AGO2: variants seen among roughly 807,000 people sequenced by gnomAD.
AGO2 encodes the protein argonaute RISC catalytic component 2.
In AGO2, 5 loss-of-function variants were observed where a neutral mutation model predicts 102.3. That is an observed-to-expected ratio of 0.05 (90% CI 0.03 to 0.10). The LOEUF (loss-of-function observed/expected upper bound fraction) is 0.10. AGO2 is among the 10% of genes least tolerant of loss of function. The pLI, the probability that AGO2 is intolerant of heterozygous loss-of-function variation, is 1.00. For missense variants in AGO2, 541 were observed against 1,183.7 expected, an observed-to-expected ratio of 0.46 and a Z score of 7.97; for synonymous variants, 449 against 473.1, an observed-to-expected ratio of 0.95 and a Z score of 0.66.
At chr8:140,580,955 C>T (rs1031320863) in intron 2 of AGO2, among the ~76,000 whole-genome samples, 1 of 152,274 alleles carries the variant, frequency 6.6e-6, no homozygotes, top group African/African-American at 2.4e-5. Flanking sequence ...TGTAGTAGCA[C>T]AGTCCTGGAA....
chr8:140,618,952 G>GT (rs1203023645), intron 1 of AGO2, among the ~76,000 whole-genome samples: 1 of 150,710 alleles, frequency 6.6e-6, no homozygotes, highest in Admixed American at 6.6e-5. Context: ...GGAAAGAACA[G>GT]TTTTTTTAAA....
rs1051260787 is a variant in AGO2 at position 140,522,863 on chromosome 8, A to C, written c.*9181T>G. The C allele has an allele frequency of 6.6e-6, 1 of 152,212 alleles. No homozygotes were observed. Among genetic ancestry groups the C allele is most frequent in the African/African-American group, 2.4e-5 (1 of 41,452 alleles). 9.4% of individuals were successfully genotyped at this position (152,212 alleles called of 1,614,324 possible). A position where few individuals can be genotyped will look rare whatever the true frequency, so the allele number is the denominator to read the frequency against. The stretch of plus-strand genomic sequence containing the variant: ...CTGCCTAATATTTTTGCATACTCTG[A>C]AACTCACAAATTTAACATCTGATTA... On this transcript the variant is annotated 3_prime_UTR_variant, in exon 19 of 19. Transcript: ENST00000220592.
chr8:140,573,315 G>T (rs2073414704), intron 2 of AGO2, among the ~76,000 whole-genome samples: 1 of 151,378 alleles, frequency 6.6e-6, no homozygotes, highest in Admixed American at 6.6e-5. Flanking sequence ...GATTACAGGT[G>T]CCCGCCACCA....
chr8:140,583,592 G>A (rs1449685509), intron 2 of AGO2, among the ~76,000 whole-genome samples: 2 of 152,188 alleles, frequency 1.3e-5, no homozygotes, highest in African/African-American at 4.8e-5. Flanking sequence ...CATATACCTA[G>A]GTCGGGCCCA....
At position 140,523,436 on chromosome 8, in the gene AGO2, G is replaced by A. The variant is rs2072448171; in HGVS notation, c.*8608C>T. 6.6e-6 allele frequency: 1 copy of A among 151,900 alleles called. No homozygotes were observed. Among genetic ancestry groups the A allele is most frequent in the African/African-American group, 2.4e-5 (1 of 41,336 alleles). 9.4% of individuals were successfully genotyped at this position (151,900 alleles called of 1,614,324 possible). ...AACTAGAAAAATTGATAAAACTAAG[G>A]GTTAAAAGCCCTCAATATGTATTAG... On this transcript the variant is annotated 3_prime_UTR_variant, in exon 19 of 19. Coordinates refer to ENST00000220592, the MANE Select transcript of AGO2 (RefSeq NM_012154.5).
At position 140,529,824 on chromosome 8, in the gene AGO2, C is replaced by G. The variant is rs2977454; in HGVS notation, c.*2220G>C. 17,049 of 152,252 alleles carry G rather than the reference C, an allele frequency of 0.11. 1,363 individuals carry two copies. The highest frequency in any genetic ancestry group is 0.28 in the East Asian group (1,470 of 5,166). The allele number at this position is 152,252 out of a possible 1,614,324, so 9.4% of individuals were successfully genotyped here. ...CTGCATGTTAAACAAGAACCGCCAT[C>G]CCCCAGACAGCCTGACGCAGGTGGA... On this transcript the variant is annotated 3_prime_UTR_variant, in exon 19 of 19. Coordinates refer to ENST00000220592, the MANE Select transcript of AGO2 (RefSeq NM_012154.5).
intron 1 of AGO2, among the ~76,000 whole-genome samples, chr8:140,616,884 C>T (rs192733080): frequency 9.2e-4 from 140 of 152,352 alleles, no homozygotes; most frequent in African/African-American, 3.2e-3. Context: ...GAAAGAGACA[C>T]ACATCAGCAC....
intron 2 of AGO2, among the ~76,000 whole-genome samples, chr8:140,578,778 C>T (rs530075498): frequency 3.9e-5 from 6 of 152,232 alleles, no homozygotes; most frequent in South Asian, 2.1e-4. Context: ...CCTCTTCAGT[C>T]GCCACCCAGG....
chr8:140,544,279 G>A lies in AGO2; in HGVS notation c.1773C>T (p.Val591=), dbSNP rs1224920869. ...QGRPPVFQQP[V]IFLGADVTHP... is the part of the protein sequence containing the mutation. ...GAGTGACGTCTGCTCCCAGAAAGAT[G>A]ACGGGCTGCTGGAACACCGGCGGCC... is the stretch of plus-strand genomic sequence containing the variant. Residue 591 remains valine, a synonymous_variant, in exon 14 of 19, where the codon GTC becomes GTT. Transcript: ENST00000220592. 2 of 1,603,410 alleles carry A rather than the reference G, an allele frequency of 1.2e-6. No homozygotes were observed. The highest frequency in any genetic ancestry group is 1.7e-6 in the Non-Finnish European group (2 of 1,175,804).
chr8:140,544,080 G>A (rs184603579), intron 14 of AGO2, 133 bp downstream of exon 14: 18 of 952,174 alleles, frequency 1.9e-5, no homozygotes, highest in Admixed American at 2.9e-5. Flanking sequence ...ACAAGACCCC[G>A]GCCGTCCCTA....
chr8:140,540,587 C>T lies in AGO2; in HGVS notation c.2034+577G>A, dbSNP rs1223738678. ...GTGTGCTCTCAACCAAAGACAGCAACGAAACTCCCCTCACCCCTCTGTGAT... is the reference window on the plus strand; with the variant it reads ...GTGTGCTCTCAACCAAAGACAGCAATGAAACTCCCCTCACCCCTCTGTGAT... On this transcript the variant is annotated intron_variant, in intron 15 of 18. Coordinates refer to ENST00000220592, the MANE Select transcript of AGO2 (RefSeq NM_012154.5). This position sits in a 1 kb window ranked among gnomAD's most constrained non-coding sequence, Gnocchi z 5.0. 2.0e-5 allele frequency among the ~76,000 whole-genome samples: 3 copies of T among 152,174 alleles called. No individual in the cohort carries two copies. Among genetic ancestry groups the T allele is most frequent in the Non-Finnish European group, 2.9e-5 (2 of 68,018 alleles).
At chr8:140,614,345 C>G (rs2074116394) in intron 1 of AGO2, among the ~76,000 whole-genome samples, 1 of 152,086 alleles carries the variant, frequency 6.6e-6, no homozygotes, top group African/African-American at 2.4e-5. Context: ...AAAGCAAAGG[C>G]AGGACTCAAG....
rs563935620 is a variant in AGO2 at position 140,585,254 on chromosome 8, G to A, written c.80C>T (p.Pro27Leu). ...CCCGGAGGTCCCAAAGTCGGGTCTA[G>A]GTGGAGGCTTGAAGGCATATCCTTG... is the stretch of plus-strand genomic sequence containing the variant. ...PIQGYAFKPPPRPDFGTSGRT... is the reference protein window; with the variant it reads ...PIQGYAFKPPLRPDFGTSGRT... Residue 27 changes from proline (P) to leucine (L), a missense_variant, in exon 2 of 19, where the codon CCT becomes CTT. Around this residue, in one of 6 missense-constraint regions of AGO2, gnomAD observed 147 missense variants for 204.1 expected, o/e 0.72. Transcript: ENST00000220592. 3.1e-6 allele frequency: 5 copies of A among 1,614,094 alleles called. No homozygotes were observed. Among genetic ancestry groups the A allele is most frequent in the Non-Finnish European group, 4.2e-6 (5 of 1,180,046 alleles).
At chr8:140,627,683 C>T (rs539802969) in intron 1 of AGO2, among the ~76,000 whole-genome samples, 114 of 152,244 alleles carry the variant, frequency 7.5e-4, no homozygotes, top group African/African-American at 2.2e-3. Flanking sequence ...AGGTATTGGC[C>T]GATTTGCATT....
At chr8:140,617,653 C>T (rs560915368) in intron 1 of AGO2, among the ~76,000 whole-genome samples, 44 of 152,338 alleles carry the variant, frequency 2.9e-4, no homozygotes, top group Non-Finnish European at 5.4e-4. Flanking sequence ...GCACAGCCAC[C>T]CGTGGGCGTG....
chr8:140,555,659 G>A (rs2073081567), intron 10 of AGO2: 1 of 555,360 alleles, frequency 1.8e-6, no homozygotes, highest in Non-Finnish European at 3.0e-6. Context: ...AACTTTCATG[G>A]GATAATAAAA....
intron 12 of AGO2, among the ~76,000 whole-genome samples, chr8:140,548,845 C>T (rs561635904): frequency 4.1e-4 from 62 of 152,328 alleles, no homozygotes; most frequent in African/African-American, 1.4e-3. Flanking sequence ...GTATGATGGG[C>T]GGGGTGCCCA....
At position 140,522,526 on chromosome 8, in the gene AGO2, G is replaced by T. The variant is rs1362543567; in HGVS notation, c.*9518C>A. 1.5e-5 allele frequency: 2 copies of T among 137,402 alleles called. No homozygotes were observed. Among genetic ancestry groups the T allele is most frequent in the Non-Finnish European group, 3.1e-5 (2 of 65,376 alleles). 8.5% of individuals were successfully genotyped at this position (137,402 alleles called of 1,614,324 possible). A position where few individuals can be genotyped will look rare whatever the true frequency, so the allele number is the denominator to read the frequency against. ...TCAGCCACACAGAAATCTCAGACTG[G>T]AGGGGAAAAAAAAAAAGAAACATGA... On this transcript the variant is annotated 3_prime_UTR_variant, in exon 19 of 19. Transcript: ENST00000220592.
rs2132843488 is a variant in AGO2, at chr8:140,528,127, T to C, written c.*3917A>G. ...CCCCGCAGATCAATGTAAAATTACA[T>C]TGCTGCATATATAAGAAAAACAATT... On this transcript the variant is annotated 3_prime_UTR_variant, in exon 19 of 19. Transcript: ENST00000220592. This position sits in a 1 kb window ranked among gnomAD's most constrained non-coding sequence, Gnocchi z 4.5. 6.6e-6 allele frequency: 1 copy of C among 152,366 alleles called. No homozygotes were observed. Among genetic ancestry groups the C allele is most frequent in the East Asian group, 1.9e-4 (1 of 5,188 alleles). The allele number at this position is 152,366 out of a possible 1,614,324, so 9.4% of individuals were successfully genotyped here.
Sources: allele counts gnomAD v4.1 joint callset (sites outside exome capture counted in the v4.1 genomes callset), GRCh38; gene constraint gnomAD v4.1.1; regional missense constraint gnomAD v4.1.1; non-coding constraint Gnocchi (gnomAD v3.1); transcripts MANE v1.5; gene names NCBI Gene and HGNC (gene_info 2026-07-23, HGNC 2026-07-21).